The following CDH9 variants were observed in gnomAD, a reference collection of about 807,000 sequenced individuals.
CDH9 encodes cadherin 9, also known as cadherin-9.
A neutral mutation model predicts 70.9 loss-of-function variants in CDH9; 28 were observed. That is an observed-to-expected ratio of 0.40 (90% CI 0.29 to 0.54). The LOEUF (loss-of-function observed/expected upper bound fraction) is 0.54. CDH9 is among the 20% of genes least tolerant of loss of function. CDH9 has a pLI of 0.59. For missense variants in CDH9, 874 were observed against 984.4 expected (o/e 0.89, Z 1.50); for synonymous variants, 409 against 343.1 (o/e 1.19, Z -2.12).
chr5:26,951,061 A>G (rs1741835281), intron 2 of CDH9, among the ~76,000 whole-genome samples: 1 of 152,090 alleles, frequency 6.6e-6, no homozygotes, highest in East Asian at 1.9e-4. Context: ...TGGGAAGTCA[A>G]GGCGGGCAGA....
chr5:26,912,943 A>G (rs1436249388), intron 3 of CDH9, among the ~76,000 whole-genome samples: 1 of 152,026 alleles, frequency 6.6e-6, no homozygotes, highest in Non-Finnish European at 1.5e-5. Flanking sequence ...TAAAAACAGG[A>G]GTTTCCCTGC....
intron 1 of CDH9, among the ~76,000 whole-genome samples, chr5:26,988,825 T>C (rs918533413): frequency 2.8e-4 from 42 of 152,014 alleles, no homozygotes; most frequent in African/African-American, 1.0e-3. Flanking sequence ...TTTAGTAAAC[T>C]GTTTTTCTCC....
chr5:26,931,562 G>C (rs1741462526), intron 2 of CDH9, among the ~76,000 whole-genome samples: 1 of 152,064 alleles, frequency 6.6e-6, no homozygotes, highest in South Asian at 2.1e-4. Flanking sequence ...CATTGCGTGA[G>C]TAAAGAGTAC....
At chr5:27,008,722 T>C (rs1164960994) in intron 1 of CDH9, among the ~76,000 whole-genome samples, 2 of 152,142 alleles carry the variant, frequency 1.3e-5, no homozygotes, top group Non-Finnish European at 2.9e-5. Context: ...ATTCAGTTTA[T>C]AGTAAGTGTT....
chr5:27,001,913 A>C (rs770175754), intron 1 of CDH9, among the ~76,000 whole-genome samples: 1 of 151,266 alleles, frequency 6.6e-6, no homozygotes, highest in African/African-American at 2.4e-5. Flanking sequence ...GGTTTTCTAA[A>C]GGGAAAGGTT....
chr5:26,918,162 T>C (rs1404049066), intron 2 of CDH9, among the ~76,000 whole-genome samples: 1 of 152,210 alleles, frequency 6.6e-6, no homozygotes, highest in African/African-American at 2.4e-5. Context: ...TTTGCCTTTA[T>C]GTCTCAGAAG....
intron 7 of CDH9, among the ~76,000 whole-genome samples, chr5:26,891,408 G>A (rs1043278659): frequency 2.0e-5 from 3 of 152,210 alleles, no homozygotes; most frequent in Non-Finnish European, 2.9e-5. Context: ...ACCAGGTGCG[G>A]TGGCTCACGC....
intron 9 of CDH9, among the ~76,000 whole-genome samples, chr5:26,886,655 C>T (rs1364167378): frequency 6.6e-6 from 1 of 152,054 alleles, no homozygotes; most frequent in Admixed American, 6.6e-5. Flanking sequence ...AAATTGCTTG[C>T]TTTTCCTTTA....
chr5:27,029,948 C>T (rs1442263942), intron 1 of CDH9, among the ~76,000 whole-genome samples: 2 of 152,044 alleles, frequency 1.3e-5, no homozygotes, highest in South Asian at 4.2e-4. Flanking sequence ...ATGGGGCTCC[C>T]GAGGCCAAGC....
intron 2 of CDH9, among the ~76,000 whole-genome samples, chr5:26,945,861 C>T (rs962474044): frequency 1.2e-4 from 18 of 152,114 alleles, no homozygotes; most frequent in South Asian, 6.2e-4. Context: ...AATCAGCAGG[C>T]TTGCTATCCA....
At chr5:26,932,888 T>C (rs1253829802) in intron 2 of CDH9, among the ~76,000 whole-genome samples, 2 of 151,340 alleles carry the variant, frequency 1.3e-5, no homozygotes, top group Non-Finnish European at 3.0e-5. Context: ...GCTTTGTCTA[T>C]GATTCCATTT....
At chr5:26,898,165 A>T (rs1740786315) in intron 7 of CDH9, among the ~76,000 whole-genome samples, 1 of 152,246 alleles carries the variant, frequency 6.6e-6, no homozygotes, top group African/African-American at 2.4e-5. Context: ...TGCTCAAAGA[A>T]ATAAGGGAGG....
chr5:26,961,459 G>A (rs1015654163), intron 2 of CDH9, among the ~76,000 whole-genome samples: 2 of 151,892 alleles, frequency 1.3e-5, no homozygotes, highest in African/African-American at 4.8e-5. Flanking sequence ...ATTGTAAATG[G>A]AGTATGAGTT....
intron 2 of CDH9, among the ~76,000 whole-genome samples, chr5:26,931,579 A>G (rs1177081542): frequency 2.0e-5 from 3 of 152,202 alleles, no homozygotes; most frequent in Non-Finnish European, 4.4e-5. Context: ...GTACATCATA[A>G]GAAAAAAATT....
intron 2 of CDH9, among the ~76,000 whole-genome samples, chr5:26,987,590 C>T (rs1320759260): frequency 1.3e-5 from 2 of 151,988 alleles, no homozygotes; most frequent in Non-Finnish European, 2.9e-5. Context: ...AACTTTGTTC[C>T]TACTAACACA....
chr5:26,910,260 T>TATCTATCTATC (rs1365033359), intron 3 of CDH9, among the ~76,000 whole-genome samples: 2 of 151,334 alleles, frequency 1.3e-5, no homozygotes, highest in Non-Finnish European at 2.9e-5. Context: ...TCTATCTATC[T>TATCTATCTATC]ATCTGGCATT....
intron 1 of CDH9, among the ~76,000 whole-genome samples, chr5:26,996,843 G>T (rs1742674861): frequency 6.6e-6 from 1 of 151,756 alleles, no homozygotes; most frequent in Non-Finnish European, 1.5e-5. Context: ...GTGCCCAAGT[G>T]CTGGCATGTA....
chr5:26,881,422 T>C lies in CDH9; in HGVS notation c.2084A>G (p.Glu695Gly). 6.2e-7 allele frequency: 1 copy of C among 1,613,578 alleles called. No individual in the cohort carries two copies. Among genetic ancestry groups the C allele is most frequent in the South Asian group, 1.1e-5 (1 of 91,076 alleles). Residue 695 changes from glutamate (E) to glycine (G), a missense_variant, in exon 12 of 12, where the codon GAA (glutamate) becomes GGA (glycine). Glu to Gly is a moderately conservative substitution (Grantham distance 98, BLOSUM62 -2). Coordinates refer to ENST00000231021, the MANE Select transcript of CDH9 (RefSeq NM_016279.4). ...AGTCCTCCTTATCTGAAAAATAGTT[T>C]CAGGCATTACATCCCGTCTAAGTTT... Reference protein sequence around the residue: ...DSKLRRDVMPETIFQIRRTVP... With the variant: ...DSKLRRDVMPGTIFQIRRTVP...
intron 2 of CDH9, among the ~76,000 whole-genome samples, chr5:26,945,035 G>T (rs1741726012): frequency 6.6e-6 from 1 of 152,074 alleles, no homozygotes; most frequent in African/African-American, 2.4e-5. Flanking sequence ...TTGTACTCCA[G>T]TGTGTTTTAG....
Sources: allele counts gnomAD v4.1 joint callset (sites outside exome capture counted in the v4.1 genomes callset), GRCh38; gene constraint gnomAD v4.1.1; transcripts MANE v1.5; gene names NCBI Gene and HGNC (gene_info 2026-07-23, HGNC 2026-07-21).